Variants in LETM1 observed in about 807,000 individuals in gnomAD.
LETM1 encodes leucine zipper and EF-hand containing transmembrane protein 1, also known as mitochondrial proton/calcium exchanger protein.
Under a neutral mutation model 74.5 loss-of-function variants are expected in LETM1, and 50 were observed. The ratio of observed to expected loss-of-function variants is 0.67; its 90% CI spans 0.53 to 0.85. The LOEUF is 0.85. LETM1 is among the 40% of genes least tolerant of loss of function. The pLI is 0.00. For synonymous variants in LETM1, 446 were observed against 407.1 expected (o/e 1.10, Z -1.15); for missense variants, 824 against 967.8 (o/e 0.85, Z 1.97).
At chr4:1,826,637 G>A (rs1711997978) in intron 6 of LETM1, among the ~76,000 whole-genome samples, 1 of 152,254 alleles carries the variant, frequency 6.6e-6, no homozygotes, top group Non-Finnish European at 1.5e-5. Context: ...TGCTATGGGT[G>A]TGCCGGGTTA....
In LETM1 at chr4:1,836,675, G is replaced by A; in HGVS notation, c.595-103C>T. Reference sequence around the variant, plus strand: ...TAATGGTTTATAGGCACAACCTCAGGCAGCGACTCACAGGACCCACTGAGG... The same window carrying A: ...TAATGGTTTATAGGCACAACCTCAGACAGCGACTCACAGGACCCACTGAGG... On this transcript the variant is annotated intron_variant, in intron 3 of 13. Coordinates refer to ENST00000302787, the MANE Select transcript of LETM1 (RefSeq NM_012318.3). This position sits in a 1 kb window ranked among gnomAD's most constrained non-coding sequence, Gnocchi z 5.8. 1 of 1,294,718 alleles carries A rather than the reference G, an allele frequency of 7.7e-7. No homozygotes were observed. 80.2% of individuals were successfully genotyped at this position (1,294,718 alleles called of 1,614,324 possible).
intron 11 of LETM1, among the ~76,000 whole-genome samples, chr4:1,817,130 A>G (rs1289511212): frequency 6.6e-6 from 1 of 151,194 alleles, no homozygotes; most frequent in African/African-American, 2.4e-5. Context: ...CCTGTAATCC[A>G]GTTACTTGGG....
Position 1,841,424 on chromosome 4 carries a change from T to G in LETM1, c.517A>C (p.Ile173Leu), listed in dbSNP as rs1412927245. The change falls in exon 3 of 14, where the codon ATC becomes CTC. Residue 173 changes from isoleucine (I) to leucine (L), a missense_variant. Coordinates refer to ENST00000302787, the MANE Select transcript of LETM1 (RefSeq NM_012318.3). Reference sequence around the variant, plus strand: ...ATGCGTGCCGCGATCTTGGTGTCGATCCATAGCAGGCGGAAGCCATGGTAG... The same window carrying G: ...ATGCGTGCCGCGATCTTGGTGTCGAGCCATAGCAGGCGGAAGCCATGGTAG... ...HYYHGFRLLW[I>L]DTKIAARMLW... 2 of 1,614,174 alleles carry G rather than the reference T, an allele frequency of 1.2e-6. No individual in the cohort carries two copies. Among genetic ancestry groups the G allele is most frequent in the Non-Finnish European group, 1.7e-6 (2 of 1,180,042 alleles).
intron 6 of LETM1, among the ~76,000 whole-genome samples, chr4:1,830,577 T>A (rs1482983010): frequency 6.6e-6 from 1 of 152,234 alleles, no homozygotes; most frequent in Non-Finnish European, 1.5e-5. Context: ...CAAGCAGTCC[T>A]CCCACCTTGG....
At chr4:1,822,087 C>T in intron 10 of LETM1, 94 bp downstream of exon 10, 2 of 1,246,606 alleles carry the variant, frequency 1.6e-6, no homozygotes, top group Non-Finnish European at 2.1e-6. Context: ...TATAGATGCC[C>T]CAGCTAACCT....
intron 6 of LETM1, among the ~76,000 whole-genome samples, chr4:1,827,105 G>A (rs1055417319): frequency 4.6e-5 from 7 of 152,234 alleles, no homozygotes; most frequent in East Asian, 1.9e-4. Context: ...TTCCTGCTGC[G>A]CCGAGGTACT....
chr4:1,836,521 C>T lies in LETM1; in HGVS notation c.646G>A (p.Val216Met), dbSNP rs765808195. ...AGAAACTCCATGAACGGCACCACCA[C>T]GAACACAAGGAACGGCACCAGGCGG... ...LFRLVPFLVF[V>M]VVPFMEFLLP... The change falls in exon 4 of 14, where the codon GTG becomes ATG. Residue 216 changes from valine (V) to methionine (M), a missense_variant. By Grantham distance (21) the Val-to-Met change is conservative (BLOSUM62 1). Around this residue, in one of 4 missense-constraint regions of LETM1, gnomAD observed 269 missense variants for 348.8 expected, o/e 0.77. Coordinates refer to ENST00000302787, the MANE Select transcript of LETM1 (RefSeq NM_012318.3). The surrounding 1 kb of genome is among the most constrained non-coding windows in gnomAD (Gnocchi z 5.8). 158 of 1,613,794 alleles carry T rather than the reference C, an allele frequency of 9.8e-5. No individual in the cohort carries two copies. The highest frequency in any genetic ancestry group is 1.3e-4 in the Non-Finnish European group (150 of 1,180,004).
In LETM1 at chr4:1,813,313, A is replaced by G. The variant is rs1249800588; in HGVS notation, c.*1111T>C. On this transcript the variant is annotated 3_prime_UTR_variant, in exon 14 of 14. Transcript: ENST00000302787. ...AGGCCCCTGGAGGTACATTTTTGCC[A>G]GGAACCAACCTGACCTTAAAAAGAT... is the stretch of plus-strand genomic sequence containing the variant. The G allele has an allele frequency of 6.6e-6, 1 of 152,342 alleles. No individual in the cohort carries two copies. The highest frequency in any genetic ancestry group is 1.9e-4 in the East Asian group (1 of 5,324). 9.4% of individuals were successfully genotyped at this position (152,342 alleles called of 1,614,324 possible). A position where few individuals can be genotyped will look rare whatever the true frequency, so the allele number is the denominator to read the frequency against.
chr4:1,827,919 G>A (rs1374073399), intron 6 of LETM1, among the ~76,000 whole-genome samples: 1 of 149,688 alleles, frequency 6.7e-6, no homozygotes, highest in African/African-American at 2.5e-5. Flanking sequence ...TGGGCGGGGG[G>A]CTGACCCCCC....
chr4:1,833,003 C>T, intron 5 of LETM1, 56 bp from the exon 6 acceptor site: 1 of 1,472,248 alleles, frequency 6.8e-7, no homozygotes, highest in Non-Finnish European at 9.5e-7. Context: ...CGGCTCCCTC[C>T]CACGACCAAC....
intron 3 of LETM1, among the ~76,000 whole-genome samples, chr4:1,838,345 G>T (rs377604309): frequency 4.6e-5 from 7 of 151,986 alleles, no homozygotes; most frequent in South Asian, 2.1e-4. Flanking sequence ...TGATCGGCCC[G>T]CCTCGGCCTC....
chr4:1,842,580 A>C (rs1415234156), intron 2 of LETM1, among the ~76,000 whole-genome samples: 4 of 152,194 alleles, frequency 2.6e-5, no homozygotes, highest in Non-Finnish European at 4.4e-5. Flanking sequence ...CCAGGTGCAC[A>C]CTGTGTGCAC....
In LETM1 at chr4:1,823,060, G is replaced by T; in HGVS notation, c.1404C>A (p.Ala468=). Residue 468 remains alanine, a synonymous_variant, in exon 9 of 14, where the codon GCC becomes GCA. Coordinates refer to ENST00000302787, the MANE Select transcript of LETM1 (RefSeq NM_012318.3). Reference sequence around the variant, plus strand: ...GGATGGCCGCCTCCTCCTGCAGCGTGGCCTCCAGCTTGGCCTTGTTGTCCA... The same window carrying T: ...GGATGGCCGCCTCCTCCTGCAGCGTTGCCTCCAGCTTGGCCTTGTTGTCCA... ...EQVDNKAKLE[A]TLQEEAAIQQ... 6.2e-7 allele frequency: 1 copy of T among 1,610,318 alleles called. No individual in the cohort carries two copies. Among genetic ancestry groups the T allele is most frequent in the Non-Finnish European group, 8.5e-7 (1 of 1,177,920 alleles).
At position 1,823,680 on chromosome 4, in the gene LETM1, C is replaced by G; in HGVS notation, c.1296G>C (p.Gln432His). The change falls in exon 8 of 14, where the codon CAG becomes CAC. Residue 432 changes from glutamine (Q) to histidine (H), a missense_variant. Around this residue, in one of 4 missense-constraint regions of LETM1, gnomAD observed 172 missense variants for 170.7 expected, o/e 1.01. Transcript: ENST00000302787. ...GGAGGGTCTGCAGTGTGGACTTGAG[C>G]TGGTCGGCTGGAGAGAGGGTGTCCG... ...YLPDTLSPAD[Q>H]LKSTLQTLPE... is the part of the protein sequence containing the mutation. 6.2e-7 allele frequency: 1 copy of G among 1,613,974 alleles called. No individual in the cohort carries two copies. Among genetic ancestry groups the G allele is most frequent in the Non-Finnish European group, 8.5e-7 (1 of 1,179,976 alleles).
At position 1,822,339 on chromosome 4, in the gene LETM1, G is replaced by A. The variant is rs116125884; in HGVS notation, c.1477-27C>T. ...TGAAAGGCAAGGCGACACCAGCCCA[G>A]CGCCCGCCATCACACAGAAGCAGTC... On this transcript the variant is annotated intron_variant, in intron 9 of 13. Coordinates refer to ENST00000302787, the MANE Select transcript of LETM1 (RefSeq NM_012318.3). 6.6e-3 allele frequency: 9,544 copies of A among 1,447,766 alleles called. 105 individuals are homozygous for A. Among genetic ancestry groups the A allele is most frequent in the African/African-American group, 0.039 (2,681 of 69,516 alleles). The allele number at this position is 1,447,766 out of a possible 1,614,324, so 89.7% of individuals were successfully genotyped here.
chr4:1,852,592 C>T (rs1423008365), intron 1 of LETM1, among the ~76,000 whole-genome samples: 2 of 152,194 alleles, frequency 1.3e-5, no homozygotes, highest in Non-Finnish European at 2.9e-5. Context: ...CCTGGAGTCA[C>T]CTCATCAGCA....
intron 6 of LETM1, 107 bp downstream of exon 6, chr4:1,832,637 C>G: frequency 9.1e-7 from 1 of 1,098,170 alleles, no homozygotes; most frequent in East Asian, 2.4e-5. Context: ...TATTTTCGAT[C>G]GTTCAGCATC....
chr4:1,843,375 TG>T (rs1211376348), intron 2 of LETM1, among the ~76,000 whole-genome samples: 3 of 152,210 alleles, frequency 2.0e-5, no homozygotes, highest in Non-Finnish European at 4.4e-5. Context: ...GTTTCTCAGA[TG>T]GGGATCCTCG....
In LETM1 at chr4:1,855,891, C is replaced by CGGCGGCGGGAGGCGGGCG. The variant is rs1297558265; in HGVS notation, c.42_59dup (p.Ala15_Pro20dup). The CGGCGGCGGGAGGCGGGCG allele has an allele frequency of 1.0e-5, 13 of 1,238,798 alleles. No individual in the cohort carries two copies. Among genetic ancestry groups the CGGCGGCGGGAGGCGGGCG allele is most frequent in the Non-Finnish European group, 1.3e-5 (13 of 994,004 alleles). The allele number at this position is 1,238,798 out of a possible 1,614,324, so 76.7% of individuals were successfully genotyped here. A position where few individuals can be genotyped will look rare whatever the true frequency, so the allele number is the denominator to read the frequency against. ...TACCCCGCGGGACGGTGTACCGAGG[C>CGGCGGCGGGAGGCGGGCG]GGCGGCGGGAGGCGGGCGGGCGCCC... On this transcript the variant is annotated inframe_insertion, in exon 1 of 14. Coordinates refer to ENST00000302787, the MANE Select transcript of LETM1 (RefSeq NM_012318.3).
Sources: allele counts gnomAD v4.1 joint callset (sites outside exome capture counted in the v4.1 genomes callset), GRCh38; gene constraint gnomAD v4.1.1; regional missense constraint gnomAD v4.1.1; non-coding constraint Gnocchi (gnomAD v3.1); transcripts MANE v1.5; gene names NCBI Gene and HGNC (gene_info 2026-07-23, HGNC 2026-07-21).